The following TMEM108 variants were observed in gnomAD, a reference collection of about 807,000 sequenced individuals.
TMEM108 encodes the protein transmembrane protein 108.
Under a neutral mutation model 35.1 loss-of-function variants are expected in TMEM108, and 12 were observed. That is an observed-to-expected ratio of 0.34 (90% CI 0.22 to 0.55). The LOEUF is 0.55. Ranked by LOEUF, TMEM108 falls within the 20% of genes least tolerant of loss-of-function variation. The probability of loss-of-function intolerance (pLI) is 0.89; values close to 1 mark genes in which losing one functional copy is unlikely to be tolerated. For synonymous variants in TMEM108, 287 were observed against 308.6 expected (o/e 0.93, Z 0.73); for missense variants, 680 against 753.3 (o/e 0.90, Z 1.14).
chr3:133,166,133 T>G (rs1261325037), intron 2 of TMEM108, among the ~76,000 whole-genome samples: 3 of 152,194 alleles, frequency 2.0e-5, no homozygotes, highest in Admixed American at 1.3e-4. Context: ...AAGGCCAGTG[T>G]TTGTAGCTGC....
At chr3:133,085,076 T>C (rs746956654) in intron 2 of TMEM108, among the ~76,000 whole-genome samples, 8 of 152,230 alleles carry the variant, frequency 5.3e-5, no homozygotes, top group Non-Finnish European at 7.3e-5. Flanking sequence ...ACTCTTCTTT[T>C]ACTATTTCTT....
intron 3 of TMEM108, among the ~76,000 whole-genome samples, chr3:133,262,629 G>A (rs1482417543): frequency 6.6e-6 from 1 of 152,188 alleles, no homozygotes; most frequent in Non-Finnish European, 1.5e-5. Flanking sequence ...TATCCTAGAG[G>A]CTACTAACTG....
In TMEM108 at chr3:133,177,453, A is replaced by G. The variant is rs77879930; in HGVS notation, c.-46-51813A>G. 3.9e-5 allele frequency among the ~76,000 whole-genome samples: 6 copies of G among 152,354 alleles called. No individual in the cohort carries two copies. The South Asian group carries it at 1.2e-3, about 32-fold the overall frequency. On this transcript the variant is annotated intron_variant, in intron 2 of 5. Coordinates refer to ENST00000321871, the MANE Select transcript of TMEM108 (RefSeq NM_023943.4). Reference sequence around the variant, plus strand: ...GCAAACCAAATCCAGCAGCACATCAAAAAGCTTATCCATCATGATCAAGTG... The same window carrying G: ...GCAAACCAAATCCAGCAGCACATCAGAAAGCTTATCCATCATGATCAAGTG...
intron 3 of TMEM108, among the ~76,000 whole-genome samples, chr3:133,276,425 T>C (rs1283940522): frequency 6.6e-6 from 1 of 152,180 alleles, no homozygotes; most frequent in African/African-American, 2.4e-5. Context: ...TCCAAAAAAT[T>C]AGGAATGACA....
chr3:133,260,324 C>A (rs1260374395), intron 3 of TMEM108, among the ~76,000 whole-genome samples: 3 of 151,960 alleles, frequency 2.0e-5, no homozygotes, highest in Non-Finnish European at 2.9e-5. Flanking sequence ...AGCATGAGAT[C>A]CCTACTAAGC....
intron 3 of TMEM108, among the ~76,000 whole-genome samples, chr3:133,300,188 G>T (rs1194400526): frequency 1.3e-5 from 2 of 152,086 alleles, no homozygotes; most frequent in African/African-American, 4.8e-5. Flanking sequence ...ATGGGGGGGT[G>T]GGTGGTGGTC....
chr3:133,214,838 G>A (rs547938116), intron 2 of TMEM108, among the ~76,000 whole-genome samples: 1 of 152,186 alleles, frequency 6.6e-6, no homozygotes, highest in East Asian at 1.9e-4. Context: ...GAACCCTATC[G>A]TGAACTGTGT....
At chr3:133,261,526 G>A (rs1368352376) in intron 3 of TMEM108, among the ~76,000 whole-genome samples, 2 of 152,186 alleles carry the variant, frequency 1.3e-5, no homozygotes, top group Non-Finnish European at 2.9e-5. Flanking sequence ...GCCCACTCCT[G>A]AGACTTACTG....
chr3:133,280,844 A>G (rs1456354101), intron 3 of TMEM108, among the ~76,000 whole-genome samples: 2 of 152,242 alleles, frequency 1.3e-5, no homozygotes, highest in African/African-American at 4.8e-5. Flanking sequence ...AACTTTATCC[A>G]CATGGTTTCA....
chr3:133,075,530 C>G (rs752028694), intron 2 of TMEM108, among the ~76,000 whole-genome samples: 1 of 152,166 alleles, frequency 6.6e-6, no homozygotes, highest in Non-Finnish European at 1.5e-5. Context: ...GAATAGTAAT[C>G]CTAACCCTCA....
intron 3 of TMEM108, among the ~76,000 whole-genome samples, chr3:133,278,988 C>T (rs74775683): frequency 0.015 from 2,290 of 152,286 alleles, 69 homozygotes; most frequent in African/African-American, 0.052. Flanking sequence ...TAAAACACCA[C>T]CCTTGAGTTG....
At chr3:133,187,160 G>A (rs896085231) in intron 2 of TMEM108, among the ~76,000 whole-genome samples, 4 of 152,132 alleles carry the variant, frequency 2.6e-5, no homozygotes, top group Non-Finnish European at 5.9e-5. Context: ...ATCTCTGAGA[G>A]CCTAAAATAA....
At chr3:133,220,116 C>T in intron 2 of TMEM108, among the ~76,000 whole-genome samples, 1 of 139,860 alleles carries the variant, frequency 7.2e-6, no homozygotes. Context: ...GACTAAAAGT[C>T]TTTTTTATCC....
At chr3:133,317,466 G>T (rs2107716119) in intron 3 of TMEM108, among the ~76,000 whole-genome samples, 1 of 152,270 alleles carries the variant, frequency 6.6e-6, no homozygotes, top group African/African-American at 2.4e-5. Context: ...TCTAAAAATT[G>T]TGGGTAATAG....
chr3:133,233,326 G>A (rs1466841374), intron 3 of TMEM108, among the ~76,000 whole-genome samples: 2 of 152,072 alleles, frequency 1.3e-5, no homozygotes, highest in African/African-American at 4.8e-5. Context: ...TACTGAGAAT[G>A]ATGATTTCCA....
chr3:133,040,366 G>C (rs1943260695), intron 1 of TMEM108, among the ~76,000 whole-genome samples: 1 of 151,706 alleles, frequency 6.6e-6, no homozygotes, highest in Admixed American at 6.6e-5. Flanking sequence ...ACCATGCCCG[G>C]CTAATTTTTG....
rs536276626 is a variant in TMEM108, at chr3:133,053,201, A to G, written c.-47+7181A>G. 5.9e-5 allele frequency among the ~76,000 whole-genome samples: 9 copies of G among 152,320 alleles called. No individual in the cohort carries two copies. In the East Asian group the frequency reaches 1.7e-3, roughly 29 times the overall value. On this transcript the variant is annotated intron_variant, in intron 2 of 5. Transcript: ENST00000321871. Reference sequence around the variant, plus strand: ...CTGTGCCACAGAGAGTAGAGGAACTACTGAGGCTCCCACAAGATGCTGCAT... The same window carrying G: ...CTGTGCCACAGAGAGTAGAGGAACTGCTGAGGCTCCCACAAGATGCTGCAT...
chr3:133,076,621 C>CT (rs2107693660), intron 2 of TMEM108, among the ~76,000 whole-genome samples: 1 of 152,332 alleles, frequency 6.6e-6, no homozygotes, highest in African/African-American at 2.4e-5. Flanking sequence ...TAATCTTCCA[C>CT]TTTAAATTAT....
chr3:133,183,647 C>T (rs187293308), intron 2 of TMEM108, among the ~76,000 whole-genome samples: 1 of 152,256 alleles, frequency 6.6e-6, no homozygotes, highest in East Asian at 1.9e-4. Flanking sequence ...TGTTGGGAGA[C>T]TGGGGAATTC....
Sources: allele counts gnomAD v4.1 joint callset (sites outside exome capture counted in the v4.1 genomes callset), GRCh38; gene constraint gnomAD v4.1.1; transcripts MANE v1.5; gene names NCBI Gene and HGNC (gene_info 2026-07-23, HGNC 2026-07-21).